ARHGEF28: variants seen among roughly 807,000 people sequenced by gnomAD.
ARHGEF28 encodes the protein 190 kDa guanine nucleotide exchange factor.
A neutral mutation model predicts 206.6 loss-of-function variants in ARHGEF28; 152 were observed. The ratio of observed to expected loss-of-function variants is 0.74; its 90% confidence interval spans 0.64 to 0.84. The LOEUF is 0.84. Among genes scored for constraint, ARHGEF28 ranks in the 40% least tolerant of loss-of-function variants. The probability of loss-of-function intolerance (pLI) is 0.00; values close to 1 mark genes in which losing one functional copy is unlikely to be tolerated. For missense variants in ARHGEF28, 2,028 were observed against 2,073.2 expected, an observed-to-expected ratio of 0.98 and a Z score of 0.42; for synonymous variants, 763 against 776.4, an observed-to-expected ratio of 0.98 and a Z score of 0.29.
At chr5:73,699,391 G>T (rs1052468880) in intron 2 of ARHGEF28, among the ~76,000 whole-genome samples, 2 of 151,836 alleles carry the variant, frequency 1.3e-5, no homozygotes, top group Admixed American at 1.3e-4. Context: ...GAAAGAGAAC[G>T]AAAGAGAGCG....
intron 14 of ARHGEF28, among the ~76,000 whole-genome samples, chr5:73,854,341 A>G (rs547238632): frequency 6.6e-6 from 1 of 152,198 alleles, no homozygotes; most frequent in African/African-American, 2.4e-5. Context: ...TATACCTTGC[A>G]GGCTCATTTC....
At chr5:73,843,375 C>T (rs1758108789) in intron 11 of ARHGEF28, among the ~76,000 whole-genome samples, 1 of 152,190 alleles carries the variant, frequency 6.6e-6, no homozygotes, top group African/African-American at 2.4e-5. Flanking sequence ...CTGACTTCAT[C>T]TCCTTTGCCC....
chr5:73,857,965 C>T, intron 15 of ARHGEF28, 122 bp from the exon 16 acceptor site: 2 of 1,448,578 alleles, frequency 1.4e-6, no homozygotes, highest in Non-Finnish European at 1.9e-6. Context: ...TGTGTGCAGT[C>T]CTTATATTCT....
chr5:73,679,049 C>T (rs984211110), intron 1 of ARHGEF28, among the ~76,000 whole-genome samples: 9 of 152,042 alleles, frequency 5.9e-5, no homozygotes, highest in South Asian at 2.1e-4. Context: ...CCACCGTGCC[C>T]GGTTAATTTC....
intron 9 of ARHGEF28, among the ~76,000 whole-genome samples, chr5:73,828,393 T>G (rs968163470): frequency 1.3e-5 from 2 of 152,216 alleles, no homozygotes; most frequent in Admixed American, 1.3e-4. Flanking sequence ...AAAAGGATGT[T>G]TGTGCCAATG....
chr5:73,706,125 G>T (rs1488174374), intron 2 of ARHGEF28, among the ~76,000 whole-genome samples: 1 of 152,164 alleles, frequency 6.6e-6, no homozygotes, highest in African/African-American at 2.4e-5. Flanking sequence ...ACTCCTTCAG[G>T]CAGCCTTCTT....
At chr5:73,761,645 C>T (rs559281299) in intron 4 of ARHGEF28, among the ~76,000 whole-genome samples, 11 of 152,206 alleles carry the variant, frequency 7.2e-5, no homozygotes, top group African/African-American at 2.6e-4. Context: ...TTCTGTAATC[C>T]TACCCTAGGT....
intron 2 of ARHGEF28, among the ~76,000 whole-genome samples, chr5:73,695,315 T>C (rs944128814): frequency 1.3e-5 from 2 of 152,180 alleles, no homozygotes; most frequent in Non-Finnish European, 2.9e-5. Context: ...TGTGCTTTCC[T>C]CTCCTCTGTT....
At position 73,749,867 on chromosome 5, in the gene ARHGEF28, A is replaced by G. The variant is rs771498414; in HGVS notation, c.64A>G (p.Lys22Glu). The G allele has an allele frequency of 1.2e-6, 2 of 1,614,056 alleles. No individual in the cohort carries two copies. The highest frequency in any genetic ancestry group is 1.7e-6 in the Non-Finnish European group (2 of 1,179,902). ...GATGATGATCTATGCGAAGTTTGACAAAAATGTGTATCTTCCTGAAGATGC... is the reference window on the plus strand; with the variant it reads ...GATGATGATCTATGCGAAGTTTGACGAAAATGTGTATCTTCCTGAAGATGC... ...GQMMIYAKFD[K>E]NVYLPEDAEF... Residue 22 changes from lysine (K) to glutamate (E), a missense_variant, in exon 3 of 36, where the codon AAA becomes GAA. By Grantham distance (56) the Lys-to-Glu change is moderately conservative. Transcript: ENST00000513042.
At chr5:73,749,311 A>G (rs892249899) in intron 2 of ARHGEF28, among the ~76,000 whole-genome samples, 5 of 152,224 alleles carry the variant, frequency 3.3e-5, no homozygotes, top group Non-Finnish European at 5.9e-5. Flanking sequence ...TGTACTAATA[A>G]TGGAATTTTG....
chr5:73,743,146 C>T (rs532866477), intron 2 of ARHGEF28, among the ~76,000 whole-genome samples: 11 of 152,000 alleles, frequency 7.2e-5, no homozygotes, highest in Non-Finnish European at 1.3e-4. Flanking sequence ...GAGTAACTTC[C>T]TTCAGTATTT....
intron 21 of ARHGEF28, among the ~76,000 whole-genome samples, chr5:73,872,283 CT>C (rs1250355663): frequency 6.6e-6 from 1 of 151,868 alleles, no homozygotes; most frequent in Non-Finnish European, 1.5e-5. Flanking sequence ...TTTGTATATC[CT>C]TTTGGAGAAA....
At chr5:73,927,838 G>A (rs1469219305) in intron 35 of ARHGEF28, among the ~76,000 whole-genome samples, 2 of 152,110 alleles carry the variant, frequency 1.3e-5, no homozygotes, top group Non-Finnish European at 2.9e-5. Flanking sequence ...ACACCTGAGG[G>A]TATTCATATC....
intron 2 of ARHGEF28, among the ~76,000 whole-genome samples, chr5:73,739,186 CTT>C (rs1294378257): frequency 2.6e-5 from 4 of 151,830 alleles, no homozygotes; most frequent in African/African-American, 9.7e-5. Context: ...CTTGATAAAA[CTT>C]TATTATTATA....
At chr5:73,844,292 C>G (rs1009088291) in intron 11 of ARHGEF28, among the ~76,000 whole-genome samples, 2 of 152,162 alleles carry the variant, frequency 1.3e-5, no homozygotes, top group Non-Finnish European at 2.9e-5. Flanking sequence ...GGCTGCCAAT[C>G]ATTTGAAGAA....
intron 35 of ARHGEF28, among the ~76,000 whole-genome samples, chr5:73,930,733 A>C (rs369429055): frequency 4.0e-4 from 61 of 152,228 alleles, no homozygotes; most frequent in African/African-American, 1.4e-3. Context: ...ACTCCTTGCT[A>C]TGTTTTCCTC....
chr5:73,806,890 A>G (rs1281090530), intron 9 of ARHGEF28, among the ~76,000 whole-genome samples: 1 of 147,140 alleles, frequency 6.8e-6, no homozygotes, highest in East Asian at 2.0e-4. Flanking sequence ...ATTTATATAT[A>G]TACAATCTAA....
intron 2 of ARHGEF28, among the ~76,000 whole-genome samples, chr5:73,692,731 G>A (rs1478310067): frequency 6.6e-6 from 1 of 152,226 alleles, no homozygotes; most frequent in Admixed American, 6.5e-5. Flanking sequence ...GGCCCAAGTT[G>A]TCTGGATGGA....
At chr5:73,741,375 GTGTGTGTGTGTATATATATATATATATA>G (rs1751387270) in intron 2 of ARHGEF28, among the ~76,000 whole-genome samples, 4 of 63,824 alleles carry the variant, frequency 6.3e-5, no homozygotes, top group African/African-American at 2.1e-4. Context: ...GTGTGTGTGT[GTGTGTGTGTGTATATATATATATATATA>G]TATATATATA....
Sources: allele counts gnomAD v4.1 joint callset (sites outside exome capture counted in the v4.1 genomes callset), GRCh38; gene constraint gnomAD v4.1.1; transcripts MANE v1.5; gene names NCBI Gene and HGNC (gene_info 2026-07-23, HGNC 2026-07-21).